Variants in XDH observed in about 807,000 individuals in gnomAD.
XDH encodes the protein xanthine dehydrogenase.
Under a neutral mutation model 156.1 loss-of-function variants are expected in XDH, and 138 were observed. The observed-to-expected ratio is 0.88, with a 90% CI of 0.77 to 1.02. The LOEUF is 1.02. Among genes scored for constraint, XDH ranks in the 50% least tolerant of loss-of-function variants. XDH has a pLI of 0.00. For synonymous variants in XDH, 669 were observed against 625.7 expected, an observed-to-expected ratio of 1.07 and a Z score of -1.03; for missense variants, 1,849 against 1,684.9, an observed-to-expected ratio of 1.10 and a Z score of -1.71.
At chr2:31,403,983 T>C (rs968550420) in intron 2 of XDH, among the ~76,000 whole-genome samples, 6 of 152,140 alleles carry the variant, frequency 3.9e-5, no homozygotes, top group South Asian at 4.1e-4. Flanking sequence ...AAAACAATGA[T>C]ATAACATCTT....
At chr2:31,389,133 C>T (rs1442107453) in intron 6 of XDH, among the ~76,000 whole-genome samples, 1 of 152,200 alleles carries the variant, frequency 6.6e-6, no homozygotes, top group Non-Finnish European at 1.5e-5. Flanking sequence ...GCACTTTTAT[C>T]GGGTAGTCAA....
chr2:31,388,459 C>A (rs1338525722), intron 6 of XDH, among the ~76,000 whole-genome samples, 164 bp from the exon 7 acceptor site: 1 of 152,206 alleles, frequency 6.6e-6, no homozygotes, highest in Non-Finnish European at 1.5e-5. Flanking sequence ...GAGGCCTCCG[C>A]TACATTCCCT....
intron 11 of XDH, 111 bp downstream of exon 11, chr2:31,382,890 T>C (rs1283927541): frequency 4.6e-6 from 7 of 1,520,470 alleles, no homozygotes; most frequent in Non-Finnish European, 6.3e-6. Context: ...CAGGCAACTC[T>C]AAGCGCTAAA....
intron 1 of XDH, among the ~76,000 whole-genome samples, chr2:31,411,770 A>C (rs1687349185): frequency 6.6e-6 from 1 of 152,238 alleles, no homozygotes; most frequent in Non-Finnish European, 1.5e-5. Context: ...TTTTCTGTGA[A>C]ATACATTTCA....
chr2:31,346,934 C>G, intron 29 of XDH, 91 bp from the exon 30 acceptor site: 1 of 1,530,432 alleles, frequency 6.5e-7, no homozygotes, highest in Non-Finnish European at 9.0e-7. Flanking sequence ...AGGCTACCTC[C>G]AAGCAATGCT....
chr2:31,383,188 C>A (rs1203770240), intron 10 of XDH, 36 bp from the exon 11 acceptor site: 5 of 1,613,918 alleles, frequency 3.1e-6, no homozygotes, highest in Non-Finnish European at 3.4e-6. Context: ...GCAATTCTTC[C>A]CACAGTTCAG....
rs1428970367 is a variant in XDH, at chr2:31,341,408, C to T, written c.3520-14G>A. The T allele has an allele frequency of 1.9e-6, 3 of 1,567,404 alleles. No homozygotes were observed. The highest frequency in any genetic ancestry group is 2.6e-6 in the Non-Finnish European group (3 of 1,153,452). On this transcript the variant is annotated splice_polypyrimidine_tract_variant and intron_variant, in intron 32 of 35. Coordinates refer to ENST00000379416, the MANE Select transcript of XDH (RefSeq NM_000379.4). The stretch of plus-strand genomic sequence containing the variant: ...TGTGCGGAGGTTCTAGAGTAGACAG[C>T]AAAATTACAAGAAGTTAGAGGAGGA...
intron 1 of XDH, among the ~76,000 whole-genome samples, chr2:31,410,604 C>G (rs1328425776): frequency 6.6e-6 from 1 of 152,184 alleles, no homozygotes; most frequent in East Asian, 1.9e-4. Context: ...GACCCAAAAA[C>G]TGACGTTAAA....
At chr2:31,387,622 A>G (rs914856452) in intron 8 of XDH, among the ~76,000 whole-genome samples, 189 bp downstream of exon 8, 1 of 152,192 alleles carries the variant, frequency 6.6e-6, no homozygotes, top group Non-Finnish European at 1.5e-5. Flanking sequence ...CATGAACTGA[A>G]GTGCAGGGGC....
rs2148784783 is a variant in XDH at position 31,386,451 on chromosome 2, G to T, written c.756C>A (p.His252Gln). ...TCCCCACGACCAGCTTGGCGTCAGG[G>T]TGCTGAGCCTTGAGGTCCAGCAGCT... The part of the protein sequence containing the change: ...LKELLDLKAQ[H>Q]PDAKLVVGNT... The change falls in exon 9 of 36, where the codon CAC (histidine) becomes CAA (glutamine). Residue 252 changes from histidine to glutamine, a missense_variant. Physicochemically the swap from His to Gln is conservative, Grantham distance 24 (BLOSUM62 0). Coordinates refer to ENST00000379416, the MANE Select transcript of XDH (RefSeq NM_000379.4). The T allele has an allele frequency of 1.2e-6, 2 of 1,613,978 alleles. No individual in the cohort carries two copies. The highest frequency in any genetic ancestry group is 2.2e-5 in the East Asian group (1 of 44,876).
chr2:31,364,694 C>T (rs1046522413), intron 23 of XDH, among the ~76,000 whole-genome samples: 1 of 152,200 alleles, frequency 6.6e-6, no homozygotes, highest in African/African-American at 2.4e-5. Flanking sequence ...CTTATGTACA[C>T]TGTTAAAATA....
chr2:31,386,346 T>A, intron 9 of XDH, 68 bp downstream of exon 9: 1 of 1,596,140 alleles, frequency 6.3e-7, no homozygotes, highest in African/African-American at 1.3e-5. Context: ...GAGGTGAGGA[T>A]GGGCAAGAGG....
chr2:31,391,183 G>A (rs1686752543), intron 6 of XDH, among the ~76,000 whole-genome samples: 1 of 151,634 alleles, frequency 6.6e-6, no homozygotes, highest in Non-Finnish European at 1.5e-5. Flanking sequence ...ATTTTTTTTT[G>A]TATGTGAATG....
chr2:31,370,110 C>T lies in XDH; in HGVS notation c.1980+245G>A, dbSNP rs45620735. On this transcript the variant is annotated intron_variant, in intron 18 of 35. Coordinates refer to ENST00000379416, the MANE Select transcript of XDH (RefSeq NM_000379.4). ...CGAATTGTTAGTTCAAATGCAATCA[C>T]CAGTGTTGTTTTACTGCCACTTTGG... Among the ~76,000 whole-genome samples, 3,262 of 152,308 alleles carry T rather than the reference C, an allele frequency of 0.021. 115 individuals are homozygous for T. The highest frequency in any genetic ancestry group is 0.075 in the African/African-American group (3,131 of 41,548).
chr2:31,383,761 G>A lies in XDH; in HGVS notation c.880C>T (p.Pro294Ser). 1 of 1,613,882 alleles carries A rather than the reference G, an allele frequency of 6.2e-7. No individual in the cohort carries two copies. Among genetic ancestry groups the A allele is most frequent in the Non-Finnish European group, 8.5e-7 (1 of 1,179,950 alleles). The change falls in exon 10 of 36, where the codon CCC becomes TCC. Residue 294 changes from proline (P) to serine (S), a missense_variant. By Grantham distance (74) the Pro-to-Ser change is moderately conservative. Coordinates refer to ENST00000379416, the MANE Select transcript of XDH (RefSeq NM_000379.4). ...IPELNSVEHG[P>S]DGISFGAACP... ...GGAGTGAACCTCCTCTTACCGTCGG[G>A]TCCATGTTCTACCGAATTCAGCTCA...
At position 31,345,853 on chromosome 2, in the gene XDH, T is replaced by C. The variant is rs368988943; in HGVS notation, c.3351+916A>G. ...AAGCTCAGATCCACAGGTCAGATGA[T>C]AGAACATTGTTGTCGGGACTGTTGT... is the stretch of plus-strand genomic sequence containing the variant. On this transcript the variant is annotated intron_variant, in intron 30 of 35. Coordinates refer to ENST00000379416, the MANE Select transcript of XDH (RefSeq NM_000379.4). 3.3e-5 allele frequency among the ~76,000 whole-genome samples: 5 copies of C among 152,286 alleles called. No homozygotes were observed. The East Asian group carries it at 5.8e-4, about 18-fold the overall frequency.
intron 30 of XDH, among the ~76,000 whole-genome samples, chr2:31,345,733 G>C (rs1685267669): frequency 6.6e-6 from 1 of 152,132 alleles, no homozygotes; most frequent in African/African-American, 2.4e-5. Context: ...GCGTGCACAT[G>C]CGCATGTGTA....
At chr2:31,351,588 G>A (rs7571721) in intron 24 of XDH, among the ~76,000 whole-genome samples, 5,555 of 152,184 alleles carry the variant, frequency 0.037, 121 homozygotes, top group Non-Finnish European at 0.052. Context: ...TCTCCATATT[G>A]AATCCCCTGT....
Position 31,344,837 on chromosome 2 carries a change from A to G in XDH, c.3352-101T>C. On this transcript the variant is annotated intron_variant, in intron 30 of 35. Coordinates refer to ENST00000379416, the MANE Select transcript of XDH (RefSeq NM_000379.4). ...AGCTCACCTCCTCTGGAAGCCAATCAACTCATTTTACTAGTGACTCCCATT... is the reference window on the plus strand; with the variant it reads ...AGCTCACCTCCTCTGGAAGCCAATCGACTCATTTTACTAGTGACTCCCATT... The G allele has an allele frequency of 5.6e-6, 7 of 1,259,442 alleles. No homozygotes were observed. In the South Asian group the frequency reaches 7.5e-5, roughly 14 times the overall value. 78.0% of individuals were successfully genotyped at this position (1,259,442 alleles called of 1,614,324 possible).
Sources: gnomAD v4.1 joint callset for allele counts (sites outside exome capture counted in the v4.1 genomes callset) on GRCh38, gnomAD v4.1.1 for gene constraint, MANE v1.5 for transcripts, NCBI Gene and HGNC (gene_info 2026-07-23, HGNC 2026-07-21) for gene names.